Variants in MRTFB observed in about 807,000 individuals in gnomAD.
MRTFB encodes the protein myocardin-related transcription factor B.
MRTFB carries 29 observed loss-of-function variants against 104.2 expected under a neutral mutation model. That is an observed-to-expected ratio of 0.28 (90% CI 0.21 to 0.38). The LOEUF (loss-of-function observed/expected upper bound fraction) is 0.38. Ranked by LOEUF, MRTFB falls within the 10% of genes least tolerant of loss-of-function variation. MRTFB has a pLI of 1.00. For missense variants in MRTFB, 1,270 were observed against 1,341.6 expected, an observed-to-expected ratio of 0.95 and a Z score of 0.83; for synonymous variants, 535 against 519.5, an observed-to-expected ratio of 1.03 and a Z score of -0.41.
At chr16:14,112,162 A>G (rs1408684523) in intron 2 of MRTFB, among the ~76,000 whole-genome samples, 2 of 152,220 alleles carry the variant, frequency 1.3e-5, no homozygotes, top group Non-Finnish European at 2.9e-5. Context: ...TGAAGCAGAA[A>G]GAGTAAGAGC....
chr16:14,019,965 C>T, the MRTFB span, among the ~76,000 whole-genome samples: 1 of 152,218 alleles, frequency 6.6e-6, no homozygotes, highest in African/African-American at 2.4e-5. Flanking sequence ...GCAAATGTTA[C>T]AGAAACATTG....
chr16:14,145,323 C>T (rs1270222345), intron 3 of MRTFB, among the ~76,000 whole-genome samples: 1 of 151,834 alleles, frequency 6.6e-6, no homozygotes, highest in African/African-American at 2.4e-5. Flanking sequence ...ATTTGAATTT[C>T]ACTTATTAGA....
intron 7 of MRTFB, 117 bp from the exon 8 acceptor site, chr16:14,218,703 A>T (rs149935605): frequency 2.8e-5 from 26 of 938,740 alleles, no homozygotes; most frequent in African/African-American, 5.1e-5. Flanking sequence ...ATTGTGTTCA[A>T]TTTTTTTTTT....
chr16:14,088,647 C>T (rs1347542859), intron 2 of MRTFB, among the ~76,000 whole-genome samples: 2 of 152,174 alleles, frequency 1.3e-5, no homozygotes, highest in Non-Finnish European at 2.9e-5. Flanking sequence ...TCTGGCTCAT[C>T]ATGTTCAATA....
chr16:14,060,030 G>A, the MRTFB span, among the ~76,000 whole-genome samples: 1,120 of 120,686 alleles, frequency 9.3e-3, 12 homozygotes, highest in Non-Finnish European at 0.011. Flanking sequence ...TTTTTGAGAC[G>A]GAGTCTCACT....
chr16:14,193,670 A>G (rs1300968694), intron 3 of MRTFB: 1 of 152,144 alleles, frequency 6.6e-6, no homozygotes, highest in Non-Finnish European at 1.5e-5. Context: ...GACATCTGCT[A>G]CTCACTTGGT....
rs1448420004 is a variant in MRTFB, at chr16:14,103,148, T to C, written c.-64+23794T>C. Among the ~76,000 whole-genome samples the C allele has an allele frequency of 3.3e-5, 5 of 152,304 alleles. 1 individual carries two copies. The highest frequency in any genetic ancestry group is 4.1e-4 in the South Asian group (2 of 4,826). Reference sequence around the variant, plus strand: ...ACACCTCCTTGCTTTCACAGCACTTTGCTCTCATCTAATATTCTTTACCAC... The same window carrying C: ...ACACCTCCTTGCTTTCACAGCACTTCGCTCTCATCTAATATTCTTTACCAC... On this transcript the variant is annotated intron_variant, in intron 2 of 16. Coordinates refer to ENST00000571589, the MANE Select transcript of MRTFB (RefSeq NM_001308142.2).
chr16:14,249,300 G>A (rs746127186), intron 13 of MRTFB, among the ~76,000 whole-genome samples: 3 of 152,144 alleles, frequency 2.0e-5, no homozygotes, highest in Non-Finnish European at 4.4e-5. Flanking sequence ...AAGATAGCTC[G>A]CCTTCGCAGT....
At position 14,261,453 on chromosome 16, in the gene MRTFB, AT is replaced by A. The variant is rs764636758; in HGVS notation, c.*12del. Reference sequence around the variant, plus strand: ...CGCTGCCATGGGACTAACGTCACAGATTTCTTTTCTGAGAGTTGATGAGGTT... The same window carrying A: ...CGCTGCCATGGGACTAACGTCACAGATTCTTTTCTGAGAGTTGATGAGGTT... On this transcript the variant is annotated 3_prime_UTR_variant, in exon 17 of 17. Transcript: ENST00000571589. 6.4e-7 allele frequency: 1 copy of A among 1,572,570 alleles called. No homozygotes were observed. Among genetic ancestry groups the A allele is most frequent in the Non-Finnish European group, 8.6e-7 (1 of 1,156,824 alleles).
intron 3 of MRTFB, among the ~76,000 whole-genome samples, chr16:14,196,019 G>A (rs924083670): frequency 6.6e-6 from 1 of 152,192 alleles, no homozygotes; most frequent in Non-Finnish European, 1.5e-5. Context: ...GCAGGCTAAT[G>A]TTATCTCTGC....
intron 10 of MRTFB, among the ~76,000 whole-genome samples, chr16:14,242,991 C>T (rs566341088): frequency 1.8e-4 from 27 of 152,104 alleles, no homozygotes; most frequent in South Asian, 4.2e-4. Flanking sequence ...GACTTACCTG[C>T]GGTCCATAAA....
intron 3 of MRTFB, among the ~76,000 whole-genome samples, chr16:14,197,163 G>A (rs1403875916): frequency 6.6e-6 from 1 of 151,454 alleles, no homozygotes; most frequent in Non-Finnish European, 1.5e-5. Context: ...ATTTTTAATA[G>A]GGGTTTCACC....
chr16:14,147,206 C>T (rs2038361529), intron 3 of MRTFB, among the ~76,000 whole-genome samples: 1 of 152,048 alleles, frequency 6.6e-6, no homozygotes, highest in African/African-American at 2.4e-5. Flanking sequence ...TATAATTTTC[C>T]TTGGTTGTTT....
chr16:14,149,100 A>G (rs2038479919), intron 3 of MRTFB, among the ~76,000 whole-genome samples: 1 of 152,204 alleles, frequency 6.6e-6, no homozygotes, highest in Non-Finnish European at 1.5e-5. Context: ...CTGATTTAGA[A>G]TATGTAGTTT....
chr16:14,225,200 A>T (rs1023217388), intron 8 of MRTFB, among the ~76,000 whole-genome samples: 1 of 152,216 alleles, frequency 6.6e-6, no homozygotes, highest in East Asian at 1.9e-4. Context: ...AAGAAAAAAG[A>T]AAAAGATAAT....
intron 15 of MRTFB, among the ~76,000 whole-genome samples, chr16:14,256,100 G>A (rs766267907): frequency 3.8e-5 from 5 of 130,430 alleles, no homozygotes; most frequent in Admixed American, 3.2e-4. Flanking sequence ...GTGACAAAGC[G>A]AGACTGTCTC....
At chr16:14,091,937 G>C (rs546283462) in intron 2 of MRTFB, among the ~76,000 whole-genome samples, 1 of 140,494 alleles carries the variant, frequency 7.1e-6, no homozygotes, top group East Asian at 2.1e-4. Flanking sequence ...GGAGGTTGCA[G>C]TGAGCCGAGA....
intron 2 of MRTFB, among the ~76,000 whole-genome samples, chr16:14,120,620 C>T (rs2036796721): frequency 6.6e-6 from 1 of 152,188 alleles, no homozygotes; most frequent in Non-Finnish European, 1.5e-5. Flanking sequence ...GCAGCTTCAT[C>T]GGTTTATAAT....
rs1567178705 is a variant in MRTFB, at chr16:14,217,246, A to G, written c.473A>G (p.Asn158Ser). 6.2e-7 allele frequency: 1 copy of G among 1,613,636 alleles called. No homozygotes were observed. Among genetic ancestry groups the G allele is most frequent in the Non-Finnish European group, 8.5e-7 (1 of 1,179,828 alleles). The change falls in exon 7 of 17, where the codon AAC (asparagine) becomes AGC (serine). Residue 158 changes from asparagine to serine, a missense_variant. This residue lies in a region of MRTFB where 64 missense variants were observed against 152.9 expected (regional missense o/e 0.42). Transcript: ENST00000571589. ...RPGPMELVEK[N>S]ILPVDSSVKE... ...GGTCCTATGGAGCTGGTAGAGAAAAACATCCTTCCTGTGGACTCCAGTGTT... is the reference window on the plus strand; with the variant it reads ...GGTCCTATGGAGCTGGTAGAGAAAAGCATCCTTCCTGTGGACTCCAGTGTT...
Sources: allele counts gnomAD v4.1 joint callset (sites outside exome capture counted in the v4.1 genomes callset), GRCh38; gene constraint gnomAD v4.1.1; regional missense constraint gnomAD v4.1.1; transcripts MANE v1.5; gene names NCBI Gene and HGNC (gene_info 2026-07-23, HGNC 2026-07-21).